SLC25A25: variants seen among roughly 807,000 people sequenced by gnomAD.
The protein encoded by SLC25A25 is mitochondrial adenyl nucleotide antiporter SLC25A25.
Under a neutral mutation model 57.7 loss-of-function variants are expected in SLC25A25, and 32 were observed. That is an observed-to-expected ratio of 0.55 (90% CI 0.42 to 0.74). The LOEUF is 0.74. Among genes scored for constraint, SLC25A25 ranks in the 30% least tolerant of loss-of-function variants. SLC25A25 has a pLI of 0.00. For synonymous variants in SLC25A25, 306 were observed against 291.2 expected (o/e 1.05, Z -0.52); for missense variants, 556 against 701.3 (o/e 0.79, Z 2.34).
intron 1 of SLC25A25, among the ~76,000 whole-genome samples, chr9:128,073,179 G>C (rs1832941690): frequency 6.6e-6 from 1 of 152,158 alleles, no homozygotes; most frequent in African/African-American, 2.4e-5. Flanking sequence ...AGAAGGAATT[G>C]GAACCATCTT....
At chr9:128,097,585 C>T (rs915911386) in intron 1 of SLC25A25, among the ~76,000 whole-genome samples, 3 of 152,192 alleles carry the variant, frequency 2.0e-5, no homozygotes, top group Non-Finnish European at 1.5e-5. Context: ...TGTGCCACCA[C>T]GCCTGGCTAT....
chr9:128,092,033 A>G (rs1833423883), intron 1 of SLC25A25: 2 of 1,614,024 alleles, frequency 1.2e-6, no homozygotes, highest in East Asian at 2.2e-5. Flanking sequence ...GGCTGAGGCC[A>G]CGGAAAAAAG....
At chr9:128,074,373 G>A (rs1394450383) in intron 1 of SLC25A25, among the ~76,000 whole-genome samples, 1 of 151,242 alleles carries the variant, frequency 6.6e-6, no homozygotes, top group Non-Finnish European at 1.5e-5. Flanking sequence ...GTTGATATTT[G>A]GAAAGATGCA....
rs763877853 is a variant in SLC25A25 at position 128,102,908 on chromosome 9, CT to C, written c.624+428del. Among the ~76,000 whole-genome samples, 9 of 152,214 alleles carry C rather than the reference CT, an allele frequency of 5.9e-5. No individual in the cohort carries two copies. The highest frequency in any genetic ancestry group is 1.2e-4 in the Non-Finnish European group (8 of 68,030). ...AGGTGTCCCCACGGTCACACATTTG[CT>C]GCCCTCTCGCCCCCGTCCACTGTGG... On this transcript the variant is annotated intron_variant, in intron 5 of 10. Coordinates refer to ENST00000373069, the MANE Select transcript of SLC25A25 (RefSeq NM_001330988.2). The surrounding 1 kb of genome is among the most constrained non-coding windows in gnomAD (Gnocchi z 4.1).
chr9:128,102,469 G>A lies in SLC25A25; in HGVS notation c.612G>A (p.Trp204Ter), dbSNP rs1345873194. Reference protein sequence around the residue: ...VENIPEIILYWKHSTIFDVGE... With the variant: ...VENIPEIILY The stretch of plus-strand genomic sequence containing the variant: ...ACATCCCCGAGATCATCCTCTACTG[G>A]AAGCATTCCACGGTGAGCCCCACGT... Residue 204 changes from tryptophan (W) to a stop codon, truncating the protein, a stop_gained, in exon 5 of 11, where the codon TGG becomes TGA. Coordinates refer to ENST00000373069, the MANE Select transcript of SLC25A25 (RefSeq NM_001330988.2). LOFTEE classifies it high-confidence loss of function. This position sits in a 1 kb window ranked among gnomAD's most constrained non-coding sequence, Gnocchi z 4.1. The A allele has an allele frequency of 6.2e-7, 1 of 1,613,672 alleles. No homozygotes were observed. Among genetic ancestry groups the A allele is most frequent in the African/African-American group, 1.3e-5 (1 of 74,890 alleles).
rs1564193170 is a variant in SLC25A25, at chr9:128,102,505, C to T, written c.624+24C>T. ...CGGTGAGCCCCACGTGCCCAGGGCC[C>T]TCATCTGCTCCCAGGGACCCTTAGC... On this transcript the variant is annotated intron_variant, in intron 5 of 10. Coordinates refer to ENST00000373069, the MANE Select transcript of SLC25A25 (RefSeq NM_001330988.2). The surrounding 1 kb of genome is among the most constrained non-coding windows in gnomAD (Gnocchi z 4.1). The T allele has an allele frequency of 1.3e-6, 2 of 1,586,890 alleles. No individual in the cohort carries two copies. The highest frequency in any genetic ancestry group is 1.7e-6 in the Non-Finnish European group (2 of 1,157,386).
At chr9:128,080,349 CAAAAAAAAAAAA>C (rs775059465) in intron 1 of SLC25A25, among the ~76,000 whole-genome samples, 9 of 108,630 alleles carry the variant, frequency 8.3e-5, no homozygotes, top group African/African-American at 3.6e-4. Context: ...GACTCCATCC[CAAAAAAAAAAAA>C]AAAAAAAAAA....
At position 128,095,764 on chromosome 9, in the gene SLC25A25, C is replaced by T. The variant is rs369710421; in HGVS notation, c.262-5332C>T. On this transcript the variant is annotated intron_variant, in intron 1 of 10. Transcript: ENST00000373069. This position sits in a 1 kb window ranked among gnomAD's most constrained non-coding sequence, Gnocchi z 4.4. ...GGTGGAGGTTGTAGTGAGCCAAGAT[C>T]GCGCCACTGCACTCCAGCCTGGGCG... is the stretch of plus-strand genomic sequence containing the variant. Among the ~76,000 whole-genome samples, 11 of 152,110 alleles carry T rather than the reference C, an allele frequency of 7.2e-5. No homozygotes were observed. The East Asian group carries it at 1.4e-3, about 19-fold the overall frequency.
chr9:128,070,129 C>T (rs1301347409), intron 1 of SLC25A25, among the ~76,000 whole-genome samples: 1 of 123,450 alleles, frequency 8.1e-6, no homozygotes, highest in African/African-American at 3.0e-5. Context: ...CTCACTCTGT[C>T]ACCCAGGCTC....
intron 1 of SLC25A25, among the ~76,000 whole-genome samples, chr9:128,090,555 A>G (rs11790357): frequency 0.74 from 112,549 of 151,486 alleles, 43,593 homozygotes; most frequent in Non-Finnish European, 0.85. Context: ...TCGCTCCTGT[A>G]ATCCCAGCAC....
chr9:128,102,119 A>C lies in SLC25A25; in HGVS notation c.512+4A>C. The C allele has an allele frequency of 1.9e-6, 3 of 1,550,588 alleles. No homozygotes were observed. The highest frequency in any genetic ancestry group is 2.6e-6 in the Non-Finnish European group (3 of 1,146,988). Reference sequence around the variant, plus strand: ...ATTTCTGGGGCCCTGTCACCTAGTAAGTATCCATGTCGCTCATGACTGCCT... The same window carrying C: ...ATTTCTGGGGCCCTGTCACCTAGTACGTATCCATGTCGCTCATGACTGCCT... On this transcript the variant is annotated splice_donor_region_variant and intron_variant, in intron 4 of 10. Coordinates refer to ENST00000373069, the MANE Select transcript of SLC25A25 (RefSeq NM_001330988.2). This position sits in a 1 kb window ranked among gnomAD's most constrained non-coding sequence, Gnocchi z 4.1.
chr9:128,077,582 T>A (rs67001329), intron 1 of SLC25A25, among the ~76,000 whole-genome samples: 35,317 of 150,014 alleles, frequency 0.24, 5,297 homozygotes, highest in African/African-American at 0.43. Context: ...AAGTCCAGAA[T>A]GGAGAAGTCT....
Position 128,068,334 on chromosome 9 carries a change from G to GT in SLC25A25, c.17dup (p.Leu6PhefsTer90). 6.6e-7 allele frequency: 1 copy of GT among 1,526,504 alleles called. No homozygotes were observed. Among genetic ancestry groups the GT allele is most frequent in the Non-Finnish European group, 8.7e-7 (1 of 1,143,820 alleles). 94.6% of individuals were successfully genotyped at this position (1,526,504 alleles called of 1,614,324 possible). On this transcript the variant is annotated frameshift_variant, in exon 1 of 11. Transcript: ENST00000373069. LOFTEE classifies it high-confidence loss of function. ...CCTCGCGCCCGATGGTGAGCAGTGTGTTGTGCCGCTGTGTGGCCTCCCCGC... is the reference window on the plus strand; with the variant it reads ...CCTCGCGCCCGATGGTGAGCAGTGTGTTTGTGCCGCTGTGTGGCCTCCCCGC...
chr9:128,075,185 G>A (rs944208747), intron 1 of SLC25A25, among the ~76,000 whole-genome samples: 2 of 152,094 alleles, frequency 1.3e-5, no homozygotes, highest in African/African-American at 4.8e-5. Flanking sequence ...GCCCATGCCT[G>A]TAGTCTAGCT....
rs575629872 is a variant in SLC25A25 at position 128,106,613 on chromosome 9, A to T, written c.1212+93A>T. ...TGACGGACGCGTGGTTAGTGCAGGA[A>T]ACTGCATCAAAGACTGCGCCTCCTT... On this transcript the variant is annotated intron_variant, in intron 9 of 10. Transcript: ENST00000373069. The T allele has an allele frequency of 2.0e-5, 28 of 1,420,456 alleles. No homozygotes were observed. In the East Asian group the frequency reaches 6.0e-4, roughly 30 times the overall value. The allele number at this position is 1,420,456 out of a possible 1,614,324, so 88.0% of individuals were successfully genotyped here. A position where few individuals can be genotyped will look rare whatever the true frequency, so the allele number is the denominator to read the frequency against.
chr9:128,097,653 C>T (rs1833599975), intron 1 of SLC25A25, among the ~76,000 whole-genome samples: 1 of 152,238 alleles, frequency 6.6e-6, no homozygotes, highest in South Asian at 2.1e-4. Context: ...GTGACTAAGA[C>T]TGGGCTCCTA....
In SLC25A25 at chr9:128,102,294, G is replaced by A; in HGVS notation, c.513-76G>A. ...CTGGGCATCCGAATGCCTGCCCTTG[G>A]CTCACTGGGAGGTGGGGGGATGCAG... On this transcript the variant is annotated intron_variant, in intron 4 of 10. Transcript: ENST00000373069. The surrounding 1 kb of genome is among the most constrained non-coding windows in gnomAD (Gnocchi z 4.1). The A allele has an allele frequency of 6.8e-7, 1 of 1,473,768 alleles. No homozygotes were observed. Among genetic ancestry groups the A allele is most frequent in the African/African-American group, 1.4e-5 (1 of 72,116 alleles). The allele number at this position is 1,473,768 out of a possible 1,614,324, so 91.3% of individuals were successfully genotyped here.
At chr9:128,093,794 T>A (rs1447954502) in intron 1 of SLC25A25, among the ~76,000 whole-genome samples, 1 of 152,222 alleles carries the variant, frequency 6.6e-6, no homozygotes, top group East Asian at 1.9e-4. Flanking sequence ...CACTGGCTGA[T>A]TGGGGCTGGC....
Position 128,103,317 on chromosome 9 carries a change from C to T in SLC25A25, c.625-364C>T, listed in dbSNP as rs1044675503. 6.6e-6 allele frequency among the ~76,000 whole-genome samples: 1 copy of T among 152,236 alleles called. No homozygotes were observed. The highest frequency in any genetic ancestry group is 6.5e-5 in the Admixed American group (1 of 15,292). ...TACACGTGAGATCTCAGACGGCTCT[C>T]ACCCCGGCCTGATCCCTTCAGCGCA... On this transcript the variant is annotated intron_variant, in intron 5 of 10. Coordinates refer to ENST00000373069, the MANE Select transcript of SLC25A25 (RefSeq NM_001330988.2). This position sits in a 1 kb window ranked among gnomAD's most constrained non-coding sequence, Gnocchi z 6.7.
Sources: gnomAD v4.1 joint callset for allele counts (sites outside exome capture counted in the v4.1 genomes callset) on GRCh38, gnomAD v4.1.1 for gene constraint, Gnocchi (gnomAD v3.1) non-coding constraint, MANE v1.5 for transcripts, NCBI Gene and HGNC (gene_info 2026-07-23, HGNC 2026-07-21) for gene names.